KCNH7: variants seen among roughly 807,000 people sequenced by gnomAD.
The protein encoded by KCNH7 is voltage-gated inwardly rectifying potassium channel KCNH7.
Under a neutral mutation model 120.8 loss-of-function variants are expected in KCNH7, and 49 were observed. The ratio of observed to expected loss-of-function variants is 0.41; its 90% CI spans 0.32 to 0.51. The LOEUF (loss-of-function observed/expected upper bound fraction) is 0.51, where lower values mean the gene tolerates loss of function less well. Among genes scored for constraint, KCNH7 ranks in the 20% least tolerant of loss-of-function variants. KCNH7 has a pLI of 0.38. For synonymous variants in KCNH7, 547 were observed against 516.1 expected (o/e 1.06, Z -0.81); for missense variants, 1,097 against 1,446.6 (o/e 0.76, Z 3.92).
intron 6 of KCNH7, among the ~76,000 whole-genome samples, chr2:162,482,497 G>A (rs1038262588): frequency 1.3e-5 from 2 of 152,092 alleles, no homozygotes; most frequent in African/African-American, 2.4e-5. Flanking sequence ...ATATATTAAA[G>A]CGAGTTCATG....
At chr2:162,489,399 A>G (rs903828901) in intron 6 of KCNH7, among the ~76,000 whole-genome samples, 26 of 152,164 alleles carry the variant, frequency 1.7e-4, no homozygotes, top group Non-Finnish European at 2.9e-5. Flanking sequence ...AAAAAATCTC[A>G]TAATGTTCTA....
At chr2:162,570,852 A>G (rs1211672338) in intron 2 of KCNH7, among the ~76,000 whole-genome samples, 1 of 152,152 alleles carries the variant, frequency 6.6e-6, no homozygotes, top group Non-Finnish European at 1.5e-5. Context: ...ACAACTCTTC[A>G]TGCTAAAAAC....
chr2:162,565,837 T>C (rs1029857423), intron 2 of KCNH7, among the ~76,000 whole-genome samples: 5 of 152,076 alleles, frequency 3.3e-5, no homozygotes, highest in African/African-American at 4.8e-5. Context: ...TAAGTGTGCT[T>C]GCATTCAAAT....
At chr2:162,601,399 C>CTTTTTTTTTTTGTTTTTTT (rs1694549141) in intron 2 of KCNH7, among the ~76,000 whole-genome samples, 1 of 9,602 alleles carries the variant, frequency 1.0e-4, no homozygotes, top group African/African-American at 5.3e-4. Context: ...ACTTCTTGTG[C>CTTTTTTTTTTTGTTTTTTT]TTTTTTTTTT....
At chr2:162,373,336 A>G in intron 15 of KCNH7, 134 bp downstream of exon 15, 1 of 528,984 alleles carries the variant, frequency 1.9e-6, no homozygotes, top group Non-Finnish European at 3.1e-6. Context: ...CCATTTCCAG[A>G]AATTCTATTT....
rs149280570 is a variant in KCNH7 at position 162,430,600 on chromosome 2, T to C, written c.1954+4598A>G. On this transcript the variant is annotated intron_variant, in intron 8 of 15. Coordinates refer to ENST00000332142, the MANE Select transcript of KCNH7 (RefSeq NM_033272.4). Reference sequence around the variant, plus strand: ...CGTGGCCCATATTGTTTGCTTTCCTTCTTTCAGGGATCAAACTTCCCTATT... The same window carrying C: ...CGTGGCCCATATTGTTTGCTTTCCTCCTTTCAGGGATCAAACTTCCCTATT... Among the ~76,000 whole-genome samples, 971 of 152,198 alleles carry C rather than the reference T, an allele frequency of 6.4e-3. 8 individuals are homozygous for C. The highest frequency in any genetic ancestry group is 0.02 in the African/African-American group (840 of 41,562).
intron 2 of KCNH7, among the ~76,000 whole-genome samples, chr2:162,654,975 G>C (rs1401482757): frequency 2.0e-5 from 3 of 152,140 alleles, no homozygotes; most frequent in African/African-American, 7.2e-5. Flanking sequence ...CCAGGAACAG[G>C]GGAAGGGGAG....
intron 2 of KCNH7, among the ~76,000 whole-genome samples, chr2:162,661,639 C>T (rs941761417): frequency 2.6e-5 from 4 of 151,830 alleles, no homozygotes; most frequent in African/African-American, 9.7e-5. Context: ...GTGGTATAGA[C>T]AGGGATCTGT....
chr2:162,515,529 G>C (rs16846823), intron 4 of KCNH7, among the ~76,000 whole-genome samples: 5,926 of 151,744 alleles, frequency 0.039, 413 homozygotes, highest in African/African-American at 0.13. Context: ...GATCTCTCTA[G>C]GGAATCTCTG....
intron 3 of KCNH7, chr2:162,528,383 A>C (rs1384032894): frequency 1.3e-5 from 2 of 151,988 alleles, no homozygotes; most frequent in Non-Finnish European, 1.5e-5. Flanking sequence ...CCAACGTGGT[A>C]GTAGAGAAAG....
At position 162,782,002 on chromosome 2, in the gene KCNH7, T is replaced by C. The variant is rs148556927; in HGVS notation, c.307+54535A>G. Among the ~76,000 whole-genome samples the C allele has an allele frequency of 5.9e-3, 899 of 152,366 alleles. 12 individuals are homozygous for C. The highest frequency in any genetic ancestry group is 0.02 in the African/African-American group (845 of 41,582). ...ATTTAGGTTTTTCTAGTGTTATTAA[T>C]TTTGAAATATGGCATTTAAAATTAG... On this transcript the variant is annotated intron_variant, in intron 2 of 15. Coordinates refer to ENST00000332142, the MANE Select transcript of KCNH7 (RefSeq NM_033272.4).
chr2:162,478,245 T>C (rs1689812458), intron 6 of KCNH7, among the ~76,000 whole-genome samples: 1 of 152,170 alleles, frequency 6.6e-6, no homozygotes, highest in Non-Finnish European at 1.5e-5. Flanking sequence ...CAAGAAGCTA[T>C]GTCCATTTTC....
chr2:162,406,391 G>C (rs2105455831), intron 9 of KCNH7, among the ~76,000 whole-genome samples: 1 of 151,980 alleles, frequency 6.6e-6, no homozygotes, highest in East Asian at 1.9e-4. Context: ...TAGTTGCAGG[G>C]GGTAGCATTC....
chr2:162,525,491 A>G (rs557716032), intron 3 of KCNH7, among the ~76,000 whole-genome samples: 5 of 152,062 alleles, frequency 3.3e-5, no homozygotes, highest in African/African-American at 9.6e-5. Flanking sequence ...CTTAGGGTTA[A>G]AATCTCTCAG....
intron 12 of KCNH7, among the ~76,000 whole-genome samples, chr2:162,388,883 T>G (rs1465883810): frequency 6.6e-6 from 1 of 151,970 alleles, no homozygotes; most frequent in Non-Finnish European, 1.5e-5. Flanking sequence ...CACTCTATTT[T>G]CTAGCACATT....
At chr2:162,558,004 C>T (rs1176638768) in intron 2 of KCNH7, among the ~76,000 whole-genome samples, 2 of 152,138 alleles carry the variant, frequency 1.3e-5, no homozygotes, top group Non-Finnish European at 2.9e-5. Context: ...TAATGTAATA[C>T]ATCTGTGTAC....
intron 2 of KCNH7, among the ~76,000 whole-genome samples, chr2:162,636,579 T>C (rs1260111508): frequency 6.6e-6 from 1 of 152,126 alleles, no homozygotes; most frequent in Non-Finnish European, 1.5e-5. Context: ...AACCAAAAAC[T>C]GAACATAAAA....
At chr2:162,435,741 T>C (rs1382767567) in intron 7 of KCNH7, 144 bp from the exon 8 acceptor site, 2 of 774,430 alleles carry the variant, frequency 2.6e-6, no homozygotes, top group Non-Finnish European at 3.9e-6. Context: ...TTAAACTTGG[T>C]TCTTTTTTTT....
At chr2:162,479,575 T>C (rs1294898756) in intron 6 of KCNH7, among the ~76,000 whole-genome samples, 1 of 152,078 alleles carries the variant, frequency 6.6e-6, no homozygotes, top group South Asian at 2.1e-4. Flanking sequence ...TTTATATGCA[T>C]ACTCATAAGA....
Sources: allele counts gnomAD v4.1 joint callset (sites outside exome capture counted in the v4.1 genomes callset), GRCh38; gene constraint gnomAD v4.1.1; transcripts MANE v1.5; gene names NCBI Gene and HGNC (gene_info 2026-07-23, HGNC 2026-07-21).